EPS15: variants seen among roughly 807,000 people sequenced by gnomAD.
EPS15 encodes epidermal growth factor receptor pathway substrate 15, also known as epidermal growth factor receptor substrate 15.
A neutral mutation model predicts 113.8 loss-of-function variants in EPS15; 72 were observed. The observed-to-expected ratio is 0.63, with a 90% CI of 0.52 to 0.77. The LOEUF is 0.77. Ranked by LOEUF, EPS15 falls within the 30% of genes least tolerant of loss-of-function variation. EPS15 has a pLI of 0.00. For missense variants in EPS15, 1,048 were observed against 1,045.8 expected (o/e 1.00, Z -0.03); for synonymous variants, 344 against 363.4 (o/e 0.95, Z 0.61).
intron 21 of EPS15, among the ~76,000 whole-genome samples, chr1:51,371,645 A>C (rs1036008851): frequency 6.6e-6 from 1 of 152,190 alleles, no homozygotes; most frequent in Non-Finnish European, 1.5e-5. Flanking sequence ...AAATTTTTTA[A>C]AGTTTTAGAA....
intron 21 of EPS15, among the ~76,000 whole-genome samples, chr1:51,379,248 T>C (rs1170469659): frequency 2.0e-5 from 3 of 151,998 alleles, no homozygotes; most frequent in Admixed American, 2.0e-4. Context: ...GCCTCTGGAG[T>C]AGCTAGGACT....
chr1:51,442,874 C>T (rs1057009962), intron 11 of EPS15, among the ~76,000 whole-genome samples: 1 of 151,866 alleles, frequency 6.6e-6, no homozygotes, highest in African/African-American at 2.4e-5. Flanking sequence ...AAGCAGAGTG[C>T]TGCAGAATGG....
At chr1:51,501,470 G>T (rs1228764744) in intron 1 of EPS15, among the ~76,000 whole-genome samples, 3 of 151,672 alleles carry the variant, frequency 2.0e-5, no homozygotes, top group Non-Finnish European at 2.9e-5. Flanking sequence ...TTTTTGGGGG[G>T]TTTTTTGTGG....
chr1:51,488,712 T>A (rs1005755138), intron 1 of EPS15, among the ~76,000 whole-genome samples: 1 of 152,084 alleles, frequency 6.6e-6, no homozygotes, highest in Non-Finnish European at 1.5e-5. Flanking sequence ...GCTGGAATTA[T>A]AGGCATGAGC....
chr1:51,508,633 C>T (rs1644566080), intron 1 of EPS15, among the ~76,000 whole-genome samples: 1 of 152,086 alleles, frequency 6.6e-6, no homozygotes, highest in African/African-American at 2.4e-5. Flanking sequence ...CTCAGTGTCC[C>T]TGGGATGAGA....
At chr1:51,438,126 T>G (rs1329103957) in intron 12 of EPS15, among the ~76,000 whole-genome samples, 1 of 152,158 alleles carries the variant, frequency 6.6e-6, no homozygotes, top group South Asian at 2.1e-4. Flanking sequence ...ACTAATGGAG[T>G]TGACAGATTA....
intron 1 of EPS15, among the ~76,000 whole-genome samples, chr1:51,488,105 C>T (rs1258918306): frequency 1.3e-5 from 2 of 152,132 alleles, no homozygotes; most frequent in South Asian, 2.1e-4. Flanking sequence ...TGAGAATAAA[C>T]ACATCCTAAT....
chr1:51,454,043 T>TC (rs1653783019), intron 8 of EPS15, among the ~76,000 whole-genome samples: 1 of 131,908 alleles, frequency 7.6e-6, no homozygotes, highest in Admixed American at 7.3e-5. Flanking sequence ...GAGTGAGACT[T>TC]TGTTTCAAAA....
chr1:51,497,164 C>G (rs1476551455), intron 1 of EPS15, among the ~76,000 whole-genome samples: 1 of 152,178 alleles, frequency 6.6e-6, no homozygotes, highest in African/African-American at 2.4e-5. Context: ...TCTACAAATG[C>G]AACTCAACTG....
chr1:51,476,938 G>C (rs1402017367), intron 2 of EPS15, among the ~76,000 whole-genome samples: 1 of 152,126 alleles, frequency 6.6e-6, no homozygotes, highest in African/African-American at 2.4e-5. Context: ...GTCTCTGCCA[G>C]GTTTTGGTAT....
chr1:51,460,943 G>A (rs560114210), intron 8 of EPS15, 148 bp downstream of exon 8: 4 of 552,432 alleles, frequency 7.2e-6, no homozygotes, highest in African/African-American at 2.0e-5. Context: ...GACAGAGTGA[G>A]ACTCTGTCTC....
In EPS15 at chr1:51,361,236, A is replaced by G. The variant is rs755835490; in HGVS notation, c.2479T>C (p.Phe827Leu). The change falls in exon 24 of 25, where the codon TTC becomes CTC. Residue 827 changes from phenylalanine (F) to leucine (L), a missense_variant. Transcript: ENST00000371733. ...TTGGTAGTGGTAGTAGCAGAAGTGA[A>G]TGGATCACAAAATATTTCAGGATCT... ...EKDPEIFCDP[F>L]TSATTTTNKE... is the part of the protein sequence containing the mutation. 6.2e-7 allele frequency: 1 copy of G among 1,614,072 alleles called. No homozygotes were observed. The highest frequency in any genetic ancestry group is 2.2e-5 in the East Asian group (1 of 44,866).
At chr1:51,372,906 CAGGCA>C in intron 21 of EPS15, 1 of 782,368 alleles carries the variant, frequency 1.3e-6, no homozygotes. Flanking sequence ...AAAACAGCCA[CAGGCA>C]AGCTGCCAAT....
chr1:51,455,586 A>G (rs1443338629), intron 8 of EPS15, among the ~76,000 whole-genome samples: 1 of 152,120 alleles, frequency 6.6e-6, no homozygotes, highest in Non-Finnish European at 1.5e-5. Context: ...TCTCAAAAAA[A>G]AAAGAAAAGA....
chr1:51,492,142 C>T (rs889378221), intron 1 of EPS15, among the ~76,000 whole-genome samples: 1 of 152,106 alleles, frequency 6.6e-6, no homozygotes, highest in Non-Finnish European at 1.5e-5. Context: ...AGCCGCTGTG[C>T]CTGGCCCTCA....
At chr1:51,386,282 G>C (rs1258314733) in intron 21 of EPS15, among the ~76,000 whole-genome samples, 1 of 152,152 alleles carries the variant, frequency 6.6e-6, no homozygotes, top group Non-Finnish European at 1.5e-5. Flanking sequence ...GAAAAGTAAA[G>C]TAATTTATAT....
At chr1:51,380,036 G>A (rs1274204849) in intron 21 of EPS15, among the ~76,000 whole-genome samples, 1 of 150,564 alleles carries the variant, frequency 6.6e-6, no homozygotes, top group Non-Finnish European at 1.5e-5. Flanking sequence ...ATTCCAGCCT[G>A]GAGTGAGACT....
intron 23 of EPS15, among the ~76,000 whole-genome samples, chr1:51,362,414 G>A (rs932449419): frequency 3.9e-5 from 6 of 152,076 alleles, no homozygotes; most frequent in Admixed American, 3.3e-4. Flanking sequence ...TTTTTACAAT[G>A]ATATACAATT....
At chr1:51,469,166 A>C (rs1424255676) in intron 4 of EPS15, among the ~76,000 whole-genome samples, 1 of 152,072 alleles carries the variant, frequency 6.6e-6, no homozygotes, top group Non-Finnish European at 1.5e-5. Flanking sequence ...AATAATATTT[A>C]ATGATATTAA....
Sources: gnomAD v4.1 joint callset for allele counts (sites outside exome capture counted in the v4.1 genomes callset) on GRCh38, gnomAD v4.1.1 for gene constraint, MANE v1.5 for transcripts, NCBI Gene and HGNC (gene_info 2026-07-23, HGNC 2026-07-21) for gene names.